The following DECR1 variants were observed in gnomAD, a reference collection of about 807,000 sequenced individuals.
The protein encoded by DECR1 is 2,4-dienoyl-CoA reductase 1, also known as 2,4-dienoyl-CoA reductase [(3E)-enoyl-CoA-producing], mitochondrial.
A neutral mutation model predicts 38.8 loss-of-function variants in DECR1; 44 were observed. That is an observed-to-expected ratio of 1.13 (90% confidence interval 0.89 to 1.46). The LOEUF is 1.46. Ranked by LOEUF, DECR1 falls within the 40% of genes most tolerant of loss-of-function variation. The pLI, the probability that DECR1 is intolerant of heterozygous loss-of-function variation, is 0.00. For missense variants in DECR1, 428 were observed against 405.5 expected (o/e 1.06, Z -0.48); for synonymous variants, 148 against 135.2 (o/e 1.09, Z -0.66).
In DECR1 at chr8:90,051,959, C is replaced by A; in HGVS notation, c.*62C>A. 1 of 1,373,198 alleles carries A rather than the reference C, an allele frequency of 7.3e-7. No individual in the cohort carries two copies. Among genetic ancestry groups the A allele is most frequent in the East Asian group, 2.3e-5 (1 of 43,400 alleles). 85.1% of individuals were successfully genotyped at this position (1,373,198 alleles called of 1,614,324 possible). ...AATAGAAATGAAACAAATTATCTCT[C>A]ATCTTTTGACTATTTCAAGTCTAAT... On this transcript the variant is annotated 3_prime_UTR_variant, in exon 10 of 10. Coordinates refer to ENST00000220764, the MANE Select transcript of DECR1 (RefSeq NM_001359.2).
intron 5 of DECR1, among the ~76,000 whole-genome samples, chr8:90,025,402 C>T (rs1215638481): frequency 5.3e-5 from 8 of 152,166 alleles, no homozygotes; most frequent in Non-Finnish European, 1.0e-4. Context: ...TTTCATTGAG[C>T]AGTGGTTTGT....
intron 6 of DECR1, among the ~76,000 whole-genome samples, chr8:90,040,950 T>C (rs1291618621): frequency 6.6e-6 from 1 of 152,214 alleles, no homozygotes; most frequent in African/African-American, 2.4e-5. Flanking sequence ...GCATGTGTCT[T>C]TATAGTAGAA....
intron 1 of DECR1, among the ~76,000 whole-genome samples, chr8:90,008,460 T>C (rs528345654): frequency 6.6e-6 from 1 of 152,328 alleles, no homozygotes; most frequent in South Asian, 2.1e-4. Flanking sequence ...TAAATCTTAA[T>C]TTTTCTAGAA....
chr8:90,043,870 G>T (rs944217666), intron 7 of DECR1, among the ~76,000 whole-genome samples: 7 of 152,088 alleles, frequency 4.6e-5, no homozygotes, highest in South Asian at 2.1e-4. Flanking sequence ...AGACACAAAC[G>T]CTTCTCTCCA....
Position 90,047,674 on chromosome 8 carries a change from C to T in DECR1, c.885+2679C>T, listed in dbSNP as rs534720305. On this transcript the variant is annotated intron_variant, in intron 8 of 9. Transcript: ENST00000220764. ...TCCAGGAATTGAACTCAGCTCTGCA[C>T]CAAGCAGACCTAATAGACATCTACA... 3.9e-5 allele frequency among the ~76,000 whole-genome samples: 6 copies of T among 152,288 alleles called. No homozygotes were observed. The East Asian group carries it at 1.2e-3, about 29-fold the overall frequency.
At chr8:90,005,732 GTAATT>G (rs1281267277) in intron 1 of DECR1, 1 of 309,154 alleles carries the variant, frequency 3.2e-6, no homozygotes, top group Non-Finnish European at 6.4e-6. Context: ...CTGAGGCTGG[GTAATT>G]TATAAAGAAA....
At chr8:90,018,868 GA>G (rs764382840) in intron 2 of DECR1, 40 bp from the exon 3 acceptor site, 31 of 1,445,586 alleles carry the variant, frequency 2.1e-5, no homozygotes, top group Non-Finnish European at 2.5e-5. Flanking sequence ...TTATGAAATT[GA>G]AAAATATAAT....
chr8:90,008,406 C>T (rs1200631620), intron 1 of DECR1, among the ~76,000 whole-genome samples: 2 of 152,184 alleles, frequency 1.3e-5, no homozygotes, highest in African/African-American at 4.8e-5. Context: ...CACTTAATGA[C>T]TTCTGTCTGA....
intron 5 of DECR1, among the ~76,000 whole-genome samples, chr8:90,026,545 T>A (rs1001594546): frequency 1.3e-5 from 2 of 152,230 alleles, no homozygotes; most frequent in Admixed American, 6.5e-5. Flanking sequence ...TGAGAGTTTG[T>A]ATTTCTGTGG....
At chr8:90,041,765 A>T (rs1813770109) in intron 6 of DECR1, among the ~76,000 whole-genome samples, 3 of 152,140 alleles carry the variant, frequency 2.0e-5, no homozygotes, top group Admixed American at 2.0e-4. Context: ...TATATGGAAC[A>T]TCACACACTT....
chr8:90,025,893 C>G (rs1813322415), intron 5 of DECR1, among the ~76,000 whole-genome samples: 1 of 152,032 alleles, frequency 6.6e-6, no homozygotes, highest in Admixed American at 6.6e-5. Context: ...TGAGATACGT[C>G]CCATCAATAC....
chr8:90,051,635 A>T (rs1814095699), intron 8 of DECR1, 42 bp from the exon 9 acceptor site: 5 of 1,534,074 alleles, frequency 3.3e-6, no homozygotes, highest in Non-Finnish European at 2.7e-6. Context: ...GAAACTTTTT[A>T]AAAGGAGTTA....
In DECR1 at chr8:90,036,900, C is replaced by G; in HGVS notation, c.625C>G (p.Pro209Ala). Residue 209 changes from proline (P) to alanine (A), a missense_variant, in exon 6 of 10, where the codon CCA becomes GCA. Pro to Ala is a conservative substitution (Grantham distance 27). Transcript: ENST00000220764. ...TGAGACTGGTTCAGGTTTTGTAGTACCAAGTGCTTCTGCCAAAGCAGGTGT... is the reference window on the plus strand; with the variant it reads ...TGAGACTGGTTCAGGTTTTGTAGTAGCAAGTGCTTCTGCCAAAGCAGGTGT... ...YAETGSGFVV[P>A]SASAKAGVEA... The G allele has an allele frequency of 6.2e-7, 1 of 1,613,274 alleles. No individual in the cohort carries two copies. The highest frequency in any genetic ancestry group is 8.5e-7 in the Non-Finnish European group (1 of 1,179,614).
At chr8:90,031,309 A>G (rs1024958472) in intron 5 of DECR1, among the ~76,000 whole-genome samples, 5 of 152,146 alleles carry the variant, frequency 3.3e-5, no homozygotes, top group African/African-American at 1.2e-4. Flanking sequence ...GTTAGTTATG[A>G]AAGAAAATGT....
chr8:90,050,515 CA>C (rs1174923107), intron 8 of DECR1, among the ~76,000 whole-genome samples: 1 of 152,148 alleles, frequency 6.6e-6, no homozygotes, highest in East Asian at 1.9e-4. Flanking sequence ...ATTAAAGATT[CA>C]GGAAACAACA....
intron 8 of DECR1, among the ~76,000 whole-genome samples, chr8:90,045,509 G>A (rs1181515264): frequency 6.6e-6 from 1 of 152,206 alleles, no homozygotes; most frequent in Non-Finnish European, 1.5e-5. Flanking sequence ...TGGGGCTTGA[G>A]TAGGTAAACA....
chr8:90,016,485 A>C (rs1057069529), intron 1 of DECR1, among the ~76,000 whole-genome samples: 1 of 151,928 alleles, frequency 6.6e-6, no homozygotes, highest in African/African-American at 2.4e-5. Context: ...AAATACAAAA[A>C]TTTAACGGCG....
chr8:90,053,530 C>T lies in DECR1; in HGVS notation c.*1633C>T, dbSNP rs1814144179. 1.3e-5 allele frequency among the ~76,000 whole-genome samples: 2 copies of T among 152,200 alleles called. No homozygotes were observed. Among genetic ancestry groups the T allele is most frequent in the Non-Finnish European group, 2.9e-5 (2 of 68,036 alleles). ...CTCACCAAACACACAAAGACACACT[C>T]TTTCCCTCCACTGATTCCACCAGTA... On this transcript the variant is annotated 3_prime_UTR_variant, in exon 10 of 10. Coordinates refer to ENST00000220764, the MANE Select transcript of DECR1 (RefSeq NM_001359.2).
intron 5 of DECR1, among the ~76,000 whole-genome samples, chr8:90,027,786 G>A (rs755610445): frequency 1.3e-4 from 19 of 151,490 alleles, no homozygotes; most frequent in Admixed American, 7.3e-4. Context: ...AAAAAAAATC[G>A]TGAATAAGTA....
Sources: gnomAD v4.1 joint callset for allele counts (sites outside exome capture counted in the v4.1 genomes callset) on GRCh38, gnomAD v4.1.1 for gene constraint, MANE v1.5 for transcripts, NCBI Gene and HGNC (gene_info 2026-07-23, HGNC 2026-07-21) for gene names.